The following PRKG1 variants were observed in gnomAD, a reference collection of about 807,000 sequenced individuals.
The protein encoded by PRKG1 is cGMP-dependent protein kinase 1.
Under a neutral mutation model 88.1 loss-of-function variants are expected in PRKG1, and 35 were observed. The ratio of observed to expected loss-of-function variants is 0.40; its 90% CI spans 0.30 to 0.53. PRKG1 has a LOEUF of 0.53. PRKG1 is among the 20% of genes least tolerant of loss of function. PRKG1 has a pLI of 0.59. For missense variants in PRKG1, 540 were observed against 839.8 expected (o/e 0.64, Z 4.41); for synonymous variants, 303 against 292.5 (o/e 1.04, Z -0.37).
At chr10:52,156,570 T>C (rs1838106415) in intron 8 of PRKG1, among the ~76,000 whole-genome samples, 1 of 151,820 alleles carries the variant, frequency 6.6e-6, no homozygotes, top group South Asian at 2.1e-4. Flanking sequence ...AATATGGATG[T>C]GGCTGGTTTT....
chr10:51,427,819 T>C (rs1838634896), intron 2 of PRKG1, among the ~76,000 whole-genome samples: 1 of 152,214 alleles, frequency 6.6e-6, no homozygotes, highest in Admixed American at 6.5e-5. Context: ...CTGTGCACTC[T>C]AAAACTCAAT....
chr10:51,202,948 T>C (rs1392311365), intron 2 of PRKG1, among the ~76,000 whole-genome samples: 1 of 152,178 alleles, frequency 6.6e-6, no homozygotes, highest in African/African-American at 2.4e-5. Flanking sequence ...AGAATAAATA[T>C]TAGTGGCAGA....
At position 51,854,295 on chromosome 10, in the gene PRKG1, G is replaced by A. The variant is rs556055118; in HGVS notation, c.698+49605G>A. Among the ~76,000 whole-genome samples, 77 of 152,106 alleles carry A rather than the reference G, an allele frequency of 5.1e-4. 2 individuals carry two copies. In the South Asian group the frequency reaches 0.015, roughly 30 times the overall value. ...AAAAGAAAGACAAAAAAATAGCTTT[G>A]ATAGAACCAGCTCACTGAGAAGACA... On this transcript the variant is annotated intron_variant, in intron 4 of 17. Coordinates refer to ENST00000373980, the MANE Select transcript of PRKG1 (RefSeq NM_006258.4).
chr10:51,633,053 T>G (rs1037414794), intron 3 of PRKG1, among the ~76,000 whole-genome samples: 1 of 152,310 alleles, frequency 6.6e-6, no homozygotes, highest in African/African-American at 2.4e-5. Flanking sequence ...TGGACCACTA[T>G]GCTTAAAGCT....
At chr10:52,260,233 C>T (rs978186128) in intron 10 of PRKG1, among the ~76,000 whole-genome samples, 1 of 151,984 alleles carries the variant, frequency 6.6e-6, no homozygotes, top group African/African-American at 2.4e-5. Context: ...GTATCGTTAG[C>T]CTTTTTGTAA....
At chr10:51,139,362 G>A (rs937608416) in intron 1 of PRKG1, among the ~76,000 whole-genome samples, 1 of 152,256 alleles carries the variant, frequency 6.6e-6, no homozygotes, top group South Asian at 2.1e-4. Flanking sequence ...AGTAATCATA[G>A]TAGAAAATAT....
chr10:51,991,120 T>G (rs939013981), intron 5 of PRKG1, among the ~76,000 whole-genome samples: 6 of 152,194 alleles, frequency 3.9e-5, no homozygotes. Flanking sequence ...GTTCACCTCA[T>G]TTCATTTTCA....
At position 51,009,672 on chromosome 10, in the gene PRKG1, T is replaced by A. The variant is rs1842972007; in HGVS notation, c.266+18028T>A. Among the ~76,000 whole-genome samples the A allele has an allele frequency of 2.6e-5, 4 of 152,302 alleles. No individual in the cohort carries two copies. In the South Asian group the frequency reaches 8.3e-4, roughly 32 times the overall value. On this transcript the variant is annotated intron_variant, in intron 1 of 17. Coordinates refer to the PRKG1 transcript ENST00000401604. ...TCCAGTTATCATCTGAAAATATAAT[T>A]TAGAAATTTATGATAATATATTTCT...
intron 1 of PRKG1, among the ~76,000 whole-genome samples, chr10:51,066,271 G>A (rs1297786199): frequency 6.6e-6 from 1 of 152,012 alleles, no homozygotes; most frequent in African/African-American, 2.4e-5. Context: ...CAATAATCCT[G>A]TGACCCAGTC....
chr10:52,128,529 A>G (rs2132625120), intron 7 of PRKG1: 1 of 985,440 alleles, frequency 1.0e-6, no homozygotes, highest in Non-Finnish European at 1.2e-6. Flanking sequence ...GACGAAGTTC[A>G]AAGAATATCA....
At chr10:51,031,995 C>G (rs757483940) in intron 1 of PRKG1, among the ~76,000 whole-genome samples, 1 of 152,130 alleles carries the variant, frequency 6.6e-6, no homozygotes, top group African/African-American at 2.4e-5. Flanking sequence ...TATCTCAAAG[C>G]TGGTTGGATG....
At chr10:51,265,240 G>A (rs1016211923) in intron 2 of PRKG1, among the ~76,000 whole-genome samples, 1 of 152,058 alleles carries the variant, frequency 6.6e-6, no homozygotes, top group African/African-American at 2.4e-5. Flanking sequence ...GCTTCCTGGA[G>A]ACAGTAGTAG....
At chr10:52,139,114 C>A (rs1485187917) in intron 8 of PRKG1, among the ~76,000 whole-genome samples, 2 of 152,034 alleles carry the variant, frequency 1.3e-5, no homozygotes, top group East Asian at 3.9e-4. Flanking sequence ...CTAGACTAGG[C>A]AATTTTTATA....
chr10:51,947,986 A>T (rs1843092242), intron 5 of PRKG1, among the ~76,000 whole-genome samples: 1 of 152,204 alleles, frequency 6.6e-6, no homozygotes, highest in Non-Finnish European at 1.5e-5. Context: ...ATTTTCTTAA[A>T]GGTCTTCTAC....
intron 7 of PRKG1, among the ~76,000 whole-genome samples, chr10:52,115,418 G>T (rs1847663564): frequency 6.6e-6 from 1 of 152,116 alleles, no homozygotes. Flanking sequence ...TGGCCCTAGA[G>T]CTTCAGCCAT....
At chr10:52,163,756 C>T (rs1185236390) in intron 9 of PRKG1, among the ~76,000 whole-genome samples, 17 of 152,114 alleles carry the variant, frequency 1.1e-4, no homozygotes, top group Admixed American at 1.1e-3. Flanking sequence ...GATTCACTTG[C>T]ACATACTTCA....
chr10:51,937,209 T>C (rs1300659255), intron 5 of PRKG1, among the ~76,000 whole-genome samples: 1 of 152,040 alleles, frequency 6.6e-6, no homozygotes, highest in Non-Finnish European at 1.5e-5. Context: ...AAGTATGAAA[T>C]AGTTCTTCAC....
chr10:51,707,972 G>A (rs192491463), intron 3 of PRKG1, among the ~76,000 whole-genome samples: 202 of 152,254 alleles, frequency 1.3e-3, no homozygotes, highest in Non-Finnish European at 1.9e-3. Flanking sequence ...TATGGTACAC[G>A]TACAGAAACC....
In PRKG1 at chr10:51,876,986, C is replaced by G. The variant is rs7893949; in HGVS notation, c.699-30521C>G. ...CTACCAATGGTTATTGAGATCAGCTCACAGATAAACTGTTCACACTCAAAT... is the reference window on the plus strand; with the variant it reads ...CTACCAATGGTTATTGAGATCAGCTGACAGATAAACTGTTCACACTCAAAT... On this transcript the variant is annotated intron_variant, in intron 4 of 17. Coordinates refer to ENST00000373980, the MANE Select transcript of PRKG1 (RefSeq NM_006258.4). Among the ~76,000 whole-genome samples the G allele has an allele frequency of 8.5e-3, 1,300 of 152,258 alleles. 23 individuals carry two copies. Among genetic ancestry groups the G allele is most frequent in the African/African-American group, 0.03 (1,244 of 41,544 alleles).
Sources: gnomAD v4.1 joint callset for allele counts (sites outside exome capture counted in the v4.1 genomes callset) on GRCh38, gnomAD v4.1.1 for gene constraint, MANE v1.5 for transcripts, NCBI Gene and HGNC (gene_info 2026-07-23, HGNC 2026-07-21) for gene names.